WWOX: variants seen among roughly 807,000 people sequenced by gnomAD.
The protein encoded by WWOX is WW domain containing oxidoreductase, also known as WW domain-containing oxidoreductase.
Under a neutral mutation model 46.2 loss-of-function variants are expected in WWOX, and 69 were observed. The observed-to-expected ratio is 1.49, with a 90% CI of 1.23 to 1.82. WWOX has a LOEUF of 1.82. WWOX is among the 40% of genes most tolerant of loss of function. The pLI is 0.00. For synonymous variants in WWOX, 359 were observed against 202.6 expected (o/e 1.77, Z -6.56); for missense variants, 919 against 542.6 (o/e 1.69, Z -6.89).
At chr16:78,390,933 G>A (rs75758870) in intron 6 of WWOX, among the ~76,000 whole-genome samples, 2 of 152,274 alleles carry the variant, frequency 1.3e-5, no homozygotes, top group East Asian at 3.9e-4. Context: ...AAGCCTGTAT[G>A]TGATCAAGCC....
chr16:78,109,265 T>A (rs898116993), intron 2 of WWOX, among the ~76,000 whole-genome samples: 10 of 151,898 alleles, frequency 6.6e-5, no homozygotes, highest in Non-Finnish European at 7.4e-5. Flanking sequence ...GGTGGGAGGA[T>A]CACTTGTGCC....
intron 8 of WWOX, among the ~76,000 whole-genome samples, chr16:78,971,977 C>T (rs1048619475): frequency 6.6e-6 from 1 of 152,156 alleles, no homozygotes; most frequent in Admixed American, 6.6e-5. Flanking sequence ...GAGCTCTTCC[C>T]AGGCCGAGGT....
Position 78,752,608 on chromosome 16 carries a change from C to G in WWOX, c.1056+319856C>G, listed in dbSNP as rs111323887. On this transcript the variant is annotated intron_variant, in intron 8 of 8. Transcript: ENST00000566780. The stretch of plus-strand genomic sequence containing the variant: ...TCTAATATGATTTAGCTAACAGGTT[C>G]AGCAGATTTTTAAACTCACTTTCAA... 3.4e-3 allele frequency among the ~76,000 whole-genome samples: 521 copies of G among 152,304 alleles called. 6 individuals carry two copies. The highest frequency in any genetic ancestry group is 0.012 in the African/African-American group (494 of 41,574).
intron 6 of WWOX, among the ~76,000 whole-genome samples, chr16:78,387,691 A>G (rs2082089815): frequency 6.6e-6 from 1 of 152,108 alleles, no homozygotes. Context: ...CTTTGTTTCC[A>G]AGTGTTTATT....
intron 8 of WWOX, among the ~76,000 whole-genome samples, chr16:79,009,906 T>G (rs929902286): frequency 2.6e-5 from 4 of 152,208 alleles, no homozygotes; most frequent in Non-Finnish European, 5.9e-5. Context: ...TTGGAACTTA[T>G]CAAGTTGAGA....
At chr16:78,643,274 T>C (rs985452898) in intron 8 of WWOX, among the ~76,000 whole-genome samples, 9 of 152,226 alleles carry the variant, frequency 5.9e-5, no homozygotes, top group African/African-American at 2.2e-4. Flanking sequence ...ATTTTTACCA[T>C]GTGCCAAGCA....
chr16:79,096,982 A>T (rs112368077), intron 8 of WWOX, among the ~76,000 whole-genome samples: 1 of 152,064 alleles, frequency 6.6e-6, no homozygotes, highest in African/African-American at 2.4e-5. Context: ...GGAAGGGGGC[A>T]TGCTGTCATT....
At chr16:78,795,221 A>C (rs575239053) in intron 8 of WWOX, among the ~76,000 whole-genome samples, 16 of 152,252 alleles carry the variant, frequency 1.1e-4, no homozygotes, top group Non-Finnish European at 1.6e-4. Flanking sequence ...TATGTTATTC[A>C]CACTTCACAG....
At chr16:78,833,815 A>G (rs538781734) in intron 8 of WWOX, among the ~76,000 whole-genome samples, 12 of 152,362 alleles carry the variant, frequency 7.9e-5, no homozygotes, top group African/African-American at 2.9e-4. Context: ...CACACAGCTC[A>G]CAAGCAAGTG....
chr16:78,645,200 C>A (rs1006202043), intron 8 of WWOX, among the ~76,000 whole-genome samples: 3 of 152,062 alleles, frequency 2.0e-5, no homozygotes, highest in Non-Finnish European at 4.4e-5. Flanking sequence ...TTCTCTCCTG[C>A]GTGGTCTTGT....
At chr16:78,187,338 C>A (rs1026312977) in intron 5 of WWOX, among the ~76,000 whole-genome samples, 6 of 152,154 alleles carry the variant, frequency 3.9e-5, no homozygotes, top group African/African-American at 1.4e-4. Context: ...AGGCCAAGCA[C>A]GGTGGCTCAT....
intron 8 of WWOX, among the ~76,000 whole-genome samples, chr16:78,729,135 G>A (rs2048904285): frequency 6.6e-6 from 1 of 151,948 alleles, no homozygotes; most frequent in Non-Finnish European, 1.5e-5. Flanking sequence ...TTGAGCTCAG[G>A]AATTCGAGAC....
chr16:78,752,760 A>G (rs2049517869), intron 8 of WWOX, among the ~76,000 whole-genome samples: 1 of 152,172 alleles, frequency 6.6e-6, no homozygotes, highest in Non-Finnish European at 1.5e-5. Context: ...CTTCACCACA[A>G]CTTTATGTAA....
At chr16:78,698,936 G>A (rs1386427065) in intron 8 of WWOX, among the ~76,000 whole-genome samples, 3 of 152,176 alleles carry the variant, frequency 2.0e-5, no homozygotes, top group Non-Finnish European at 4.4e-5. Flanking sequence ...ATTCTGTAAT[G>A]ATTATCATTT....
intron 8 of WWOX, among the ~76,000 whole-genome samples, chr16:78,835,652 G>A (rs551836199): frequency 5.9e-5 from 9 of 152,334 alleles, no homozygotes; most frequent in Admixed American, 2.0e-4. Context: ...GAGATGCGAC[G>A]TGACTTGCCT....
At position 78,110,311 on chromosome 16, in the gene WWOX, G is replaced by A. The variant is rs2032415558; in HGVS notation, c.230+476G>A. On this transcript the variant is annotated intron_variant, in intron 3 of 8. Coordinates refer to ENST00000566780, the MANE Select transcript of WWOX (RefSeq NM_016373.4). Reference sequence around the variant, plus strand: ...GCTGAGATCGCGCCACTGCACTCCAGCCTGGGTGACAGAATGAGACTCCTT... The same window carrying A: ...GCTGAGATCGCGCCACTGCACTCCAACCTGGGTGACAGAATGAGACTCCTT... 2.9e-5 allele frequency among the ~76,000 whole-genome samples: 4 copies of A among 136,992 alleles called. No homozygotes were observed. The Admixed American group carries it at 3.2e-4, about 11-fold the overall frequency. The allele number at this position is 136,992 out of a possible 152,430, so 89.9% of individuals were successfully genotyped here. A position where few individuals can be genotyped will look rare whatever the true frequency, so the allele number is the denominator to read the frequency against.
chr16:79,127,268 C>T (rs780960995), intron 8 of WWOX, among the ~76,000 whole-genome samples: 3 of 152,042 alleles, frequency 2.0e-5, no homozygotes, highest in Non-Finnish European at 4.4e-5. Context: ...GCACCTAATT[C>T]CTCTTCTGAA....
intron 8 of WWOX, among the ~76,000 whole-genome samples, chr16:78,729,821 C>A (rs1000891672): frequency 6.6e-6 from 1 of 152,170 alleles, no homozygotes; most frequent in African/African-American, 2.4e-5. Context: ...GTTTTGAGGC[C>A]TGAACCTGCT....
At chr16:79,052,842 A>G (rs2048194396) in intron 8 of WWOX, among the ~76,000 whole-genome samples, 1 of 152,130 alleles carries the variant, frequency 6.6e-6, no homozygotes, top group East Asian at 1.9e-4. Flanking sequence ...AGCATTTCTA[A>G]CAATCATATT....
Sources: allele counts gnomAD v4.1 joint callset (sites outside exome capture counted in the v4.1 genomes callset), GRCh38; gene constraint gnomAD v4.1.1; transcripts MANE v1.5; gene names NCBI Gene and HGNC (gene_info 2026-07-23, HGNC 2026-07-21).